ABCG2: variants seen among roughly 807,000 people sequenced by gnomAD.
ABCG2 encodes the protein ATP binding cassette subfamily G member 2 (JR blood group).
In ABCG2, 80 loss-of-function variants were observed where a neutral mutation model predicts 73.5. The ratio of observed to expected loss-of-function variants is 1.09; its 90% confidence interval spans 0.91 to 1.31. The LOEUF is 1.31. ABCG2 is among the 50% of genes most tolerant of loss of function. The probability of loss-of-function intolerance (pLI) is 0.00; values close to 1 mark genes in which losing one functional copy is unlikely to be tolerated. For synonymous variants in ABCG2, 269 were observed against 282.4 expected, an observed-to-expected ratio of 0.95 and a Z score of 0.48; for missense variants, 796 against 786.2, an observed-to-expected ratio of 1.01 and a Z score of -0.15.
intron 5 of ABCG2, among the ~76,000 whole-genome samples, chr4:88,124,071 T>A (rs1167135493): frequency 6.6e-6 from 1 of 152,206 alleles, no homozygotes; most frequent in Non-Finnish European, 1.5e-5. Context: ...CTAAGCTTCA[T>A]AAGTGAAGGA....
chr4:88,129,635 A>G (rs959796252), intron 5 of ABCG2, among the ~76,000 whole-genome samples: 2 of 152,222 alleles, frequency 1.3e-5, no homozygotes, highest in Admixed American at 1.3e-4. Flanking sequence ...TCCAAACAAA[A>G]TACAGTAAAA....
At chr4:88,215,878 C>G (rs1729791547) in intron 1 of ABCG2, among the ~76,000 whole-genome samples, 1 of 152,184 alleles carries the variant, frequency 6.6e-6, no homozygotes. Context: ...TGCGTTGTAC[C>G]TAATTCCCAG....
intron 1 of ABCG2, among the ~76,000 whole-genome samples, chr4:88,211,358 G>GACCCCC (rs1553900212): frequency 3.0e-5 from 1 of 33,648 alleles, no homozygotes; most frequent in African/African-American, 1.1e-4. Flanking sequence ...TTCAACCCCT[G>GACCCCC]CCCCACCCCC....
At chr4:88,095,115 T>C (rs1721902200) in intron 14 of ABCG2, among the ~76,000 whole-genome samples, 2 of 152,192 alleles carry the variant, frequency 1.3e-5, no homozygotes, top group South Asian at 2.1e-4. Context: ...TACTTTGGAG[T>C]TAATGAGCTT....
intron 1 of ABCG2, among the ~76,000 whole-genome samples, chr4:88,218,114 TC>T (rs1311119254): frequency 3.9e-5 from 6 of 152,104 alleles, no homozygotes; most frequent in African/African-American, 1.2e-4. Flanking sequence ...AATACTTTCC[TC>T]CCAGATGATA....
At chr4:88,171,786 A>T (rs72554054) in intron 1 of ABCG2, among the ~76,000 whole-genome samples, 2 of 152,184 alleles carry the variant, frequency 1.3e-5, no homozygotes, top group Admixed American at 1.3e-4. Flanking sequence ...TTGCTTTAAG[A>T]CACCTGGGAA....
At chr4:88,198,064 G>A (rs1268894273) in intron 1 of ABCG2, among the ~76,000 whole-genome samples, 1 of 151,034 alleles carries the variant, frequency 6.6e-6, no homozygotes, top group Non-Finnish European at 1.5e-5. Context: ...TTTCCAGCTG[G>A]GCATGGTGGC....
intron 7 of ABCG2, among the ~76,000 whole-genome samples, chr4:88,117,581 G>A (rs1011237053): frequency 1.4e-4 from 21 of 152,108 alleles, no homozygotes; most frequent in African/African-American, 5.1e-4. Flanking sequence ...AGCTTGCAGT[G>A]AGCCAAGATC....
intron 1 of ABCG2, among the ~76,000 whole-genome samples, chr4:88,196,609 T>C (rs1362984537): frequency 6.6e-6 from 1 of 152,128 alleles, no homozygotes; most frequent in Non-Finnish European, 1.5e-5. Context: ...GTCATAGGAA[T>C]GCCCATAAGA....
At chr4:88,107,993 G>A (rs992636079) in intron 9 of ABCG2, among the ~76,000 whole-genome samples, 2 of 152,126 alleles carry the variant, frequency 1.3e-5, no homozygotes, top group Non-Finnish European at 2.9e-5. Flanking sequence ...AGCCAGTGAG[G>A]CCTATAGCCA....
chr4:88,130,057 A>G (rs1468731620), intron 5 of ABCG2, among the ~76,000 whole-genome samples: 1 of 152,248 alleles, frequency 6.6e-6, no homozygotes, highest in African/African-American at 2.4e-5. Context: ...AAAAACAGAC[A>G]CTACATAAAT....
At chr4:88,136,440 G>A (rs1334965862) in intron 2 of ABCG2, among the ~76,000 whole-genome samples, 2 of 152,266 alleles carry the variant, frequency 1.3e-5, no homozygotes, top group African/African-American at 2.4e-5. Context: ...GGAACTGCTC[G>A]CTGTGCCAAG....
At chr4:88,190,907 C>A (rs1728661801) in intron 1 of ABCG2, among the ~76,000 whole-genome samples, 1 of 151,954 alleles carries the variant, frequency 6.6e-6, no homozygotes. Context: ...AGAACCATTA[C>A]AACTCAATAC....
At position 88,165,766 on chromosome 4, in the gene ABCG2, C is replaced by T. The variant is rs566631103; in HGVS notation, c.-19-25752G>A. On this transcript the variant is annotated intron_variant, in intron 1 of 15. Coordinates refer to the ABCG2 transcript ENST00000515655. ...GCATGCGCCTGTAGTCCCAGCTACT[C>T]GGGAGGCTGAGGCAGGAGAATCGCT... Among the ~76,000 whole-genome samples the T allele has an allele frequency of 1.5e-4, 23 of 151,954 alleles. No individual in the cohort carries two copies. In the East Asian group the frequency reaches 2.3e-3, roughly 15 times the overall value.
At position 88,097,372 on chromosome 4, in the gene ABCG2, T is replaced by C; in HGVS notation, c.1647+81A>G. 7.2e-6 allele frequency: 11 copies of C among 1,528,112 alleles called. No homozygotes were observed. In the South Asian group the frequency reaches 1.4e-4, roughly 19 times the overall value. 94.7% of individuals were successfully genotyped at this position (1,528,112 alleles called of 1,614,324 possible). The stretch of plus-strand genomic sequence containing the variant: ...CCATTTACAGAATCCTCAAAACAGG[T>C]TTTACATGACAAGTGAATGTGCAGG... On this transcript the variant is annotated intron_variant, in intron 13 of 15. Transcript: ENST00000237612.
At chr4:88,183,152 T>C (rs1389811533) in intron 1 of ABCG2, among the ~76,000 whole-genome samples, 3 of 133,210 alleles carry the variant, frequency 2.3e-5, no homozygotes, top group Non-Finnish European at 4.8e-5. Context: ...AAACTATGCA[T>C]CTTAAAGAAC....
intron 3 of ABCG2, 106 bp downstream of exon 3, chr4:88,132,470 C>G (rs765071753): frequency 2.5e-6 from 3 of 1,183,534 alleles, no homozygotes; most frequent in Non-Finnish European, 3.7e-6. Context: ...ACCTGACATG[C>G]GTTGCAAATG....
At chr4:88,101,412 T>A in intron 10 of ABCG2, 93 bp from the exon 11 acceptor site, 2 of 1,154,686 alleles carry the variant, frequency 1.7e-6, no homozygotes, top group Non-Finnish European at 2.6e-6. Context: ...AATGACAGTG[T>A]ATAAAGTTAA....
intron 1 of ABCG2, among the ~76,000 whole-genome samples, chr4:88,224,740 G>T (rs1730140673): frequency 6.6e-6 from 1 of 151,896 alleles, no homozygotes; most frequent in Non-Finnish European, 1.5e-5. Context: ...TTATTTTGTT[G>T]CCTGTGCTTT....
Sources: gnomAD v4.1 joint callset for allele counts (sites outside exome capture counted in the v4.1 genomes callset) on GRCh38, gnomAD v4.1.1 for gene constraint, MANE v1.5 for transcripts, NCBI Gene and HGNC (gene_info 2026-07-23, HGNC 2026-07-21) for gene names.